The following RUNX1 variants were observed in gnomAD, a reference collection of about 807,000 sequenced individuals.
The protein encoded by RUNX1 is runt-related transcription factor 1.
RUNX1 carries 19 observed loss-of-function variants against 42.8 expected under a neutral mutation model. That is an observed-to-expected ratio of 0.44 (90% CI 0.31 to 0.65). The LOEUF (loss-of-function observed/expected upper bound fraction) is 0.65, where lower values mean the gene tolerates loss of function less well. RUNX1 is among the 30% of genes least tolerant of loss of function. The pLI is 0.07. For missense variants in RUNX1, 528 were observed against 672.0 expected, an observed-to-expected ratio of 0.79 and a Z score of 2.37; for synonymous variants, 271 against 289.4, an observed-to-expected ratio of 0.94 and a Z score of 0.64.
chr21:34,840,594 C>T (rs942318625), intron 6 of RUNX1, among the ~76,000 whole-genome samples: 5 of 132,736 alleles, frequency 3.8e-5, no homozygotes, highest in Admixed American at 8.1e-5. Flanking sequence ...CAAAGTTTTC[C>T]CTTTTGTCTT....
chr21:34,948,935 A>G (rs1601599946), intron 2 of RUNX1, among the ~76,000 whole-genome samples: 2 of 151,912 alleles, frequency 1.3e-5, no homozygotes, highest in South Asian at 4.2e-4. Flanking sequence ...TGTGTATTTT[A>G]AGTAGAGACA....
chr21:34,884,866 A>G (rs1347220533), intron 4 of RUNX1, among the ~76,000 whole-genome samples: 5 of 152,194 alleles, frequency 3.3e-5, no homozygotes, highest in Non-Finnish European at 5.9e-5. Context: ...GATTTTTAGT[A>G]GCCTATAGAT....
chr21:34,789,863 A>T lies in RUNX1; in HGVS notation c.*2272T>A, dbSNP rs1229321478. 2.1e-5 allele frequency: 5 copies of T among 233,132 alleles called. No homozygotes were observed. The highest frequency in any genetic ancestry group is 8.5e-6 in the Non-Finnish European group (1 of 118,050). 14.4% of individuals were successfully genotyped at this position (233,132 alleles called of 1,614,324 possible). A position where few individuals can be genotyped will look rare whatever the true frequency, so the allele number is the denominator to read the frequency against. On this transcript the variant is annotated 3_prime_UTR_variant, in exon 9 of 9. Coordinates refer to ENST00000675419, the MANE Select transcript of RUNX1 (RefSeq NM_001754.5). The stretch of plus-strand genomic sequence containing the variant: ...GAATATCTTCAGTTAACAGAATTAA[A>T]CTGAAAAACATAATTTTTTCCTTCA...
intron 5 of RUNX1, among the ~76,000 whole-genome samples, chr21:34,861,776 T>G (rs1285939432): frequency 6.6e-6 from 1 of 152,196 alleles, no homozygotes; most frequent in East Asian, 1.9e-4. Flanking sequence ...CAACGGGCAG[T>G]CACTCAGTCA....
intron 2 of RUNX1, among the ~76,000 whole-genome samples, chr21:35,003,568 A>T (rs567403065): frequency 6.6e-5 from 10 of 152,270 alleles, no homozygotes; most frequent in Non-Finnish European, 1.3e-4. Flanking sequence ...TATATTAAAT[A>T]GATATTGGGA....
intron 2 of RUNX1, among the ~76,000 whole-genome samples, chr21:34,969,888 C>T (rs1381999711): frequency 6.6e-6 from 1 of 152,086 alleles, no homozygotes; most frequent in African/African-American, 2.4e-5. Context: ...AATTGATCAT[C>T]TTGAGGATTG....
chr21:35,038,266 C>G (rs1488775520), intron 2 of RUNX1, among the ~76,000 whole-genome samples: 2 of 152,112 alleles, frequency 1.3e-5, no homozygotes, highest in Non-Finnish European at 2.9e-5. Flanking sequence ...CTTCCTGCTC[C>G]CCGATCCCAC....
intron 2 of RUNX1, among the ~76,000 whole-genome samples, chr21:35,004,325 G>C (rs1429249178): frequency 6.6e-6 from 1 of 152,220 alleles, no homozygotes; most frequent in Non-Finnish European, 1.5e-5. Context: ...TAGAAAACAA[G>C]AGGCCCAGAA....
At chr21:34,890,731 C>T in intron 3 of RUNX1, among the ~76,000 whole-genome samples, 1 of 129,324 alleles carries the variant, frequency 7.7e-6, no homozygotes, top group African/African-American at 2.9e-5. Context: ...AAATCCCCCC[C>T]TCCCCCCGCC....
intron 2 of RUNX1, among the ~76,000 whole-genome samples, chr21:34,994,177 A>G (rs114647199): frequency 6.7e-6 from 1 of 148,466 alleles, no homozygotes; most frequent in African/African-American, 2.6e-5. Context: ...ACAGTACCAG[A>G]ACATCTAGAC....
chr21:34,823,429 GGTTTTTTTTTTT>G (rs1426845388), intron 7 of RUNX1, among the ~76,000 whole-genome samples: 4 of 99,120 alleles, frequency 4.0e-5, no homozygotes, highest in Admixed American at 2.3e-4. Context: ...ATTCCTGGTG[GGTTTTTTTTTTT>G]TTTTTTTTTT....
At chr21:34,971,486 C>T (rs1940269830) in intron 2 of RUNX1, among the ~76,000 whole-genome samples, 1 of 151,940 alleles carries the variant, frequency 6.6e-6, no homozygotes, top group Admixed American at 6.6e-5. Flanking sequence ...CTTCCAGATA[C>T]ATTTAAAATT....
intron 5 of RUNX1, among the ~76,000 whole-genome samples, chr21:34,867,487 C>G (rs868462471): frequency 2.0e-5 from 3 of 152,114 alleles, no homozygotes; most frequent in African/African-American, 7.2e-5. Flanking sequence ...ACAGCCAGTC[C>G]TTTACAACGT....
chr21:34,892,366 TGA>T (rs2058089729), intron 3 of RUNX1, among the ~76,000 whole-genome samples: 1 of 152,146 alleles, frequency 6.6e-6, no homozygotes, highest in African/African-American at 2.4e-5. Context: ...CTAATTACTA[TGA>T]GAGGGGGGAG....
intron 4 of RUNX1, among the ~76,000 whole-genome samples, chr21:34,885,530 A>G (rs1250884607): frequency 6.6e-6 from 1 of 152,252 alleles, no homozygotes; most frequent in Non-Finnish European, 1.5e-5. Flanking sequence ...GTGAGTGGAA[A>G]AAGAGGCCAA....
intron 2 of RUNX1, among the ~76,000 whole-genome samples, chr21:34,936,752 A>G (rs2058488886): frequency 6.6e-6 from 1 of 152,228 alleles, no homozygotes; most frequent in South Asian, 2.1e-4. Flanking sequence ...GGAGTGGAAA[A>G]GAAAAGACTC....
chr21:35,019,031 T>A (rs888212973), intron 2 of RUNX1, among the ~76,000 whole-genome samples: 1 of 152,348 alleles, frequency 6.6e-6, no homozygotes, highest in Non-Finnish European at 1.5e-5. Flanking sequence ...TTCACCACAC[T>A]TTCAGCTCAA....
intron 2 of RUNX1, among the ~76,000 whole-genome samples, chr21:35,005,421 GC>G (rs927554632): frequency 1.3e-5 from 2 of 151,942 alleles, no homozygotes; most frequent in African/African-American, 2.4e-5. Flanking sequence ...CAGACCAATG[GC>G]CCCACCCCAT....
Position 34,886,927 on chromosome 21 carries a change from C to T in RUNX1, c.267G>A (p.Leu89=), listed in dbSNP as rs2146409992. Residue 89 remains leucine (L), a synonymous_variant, in exon 4 of 9, where the codon CTG becomes CTA. Transcript: ENST00000675419. ...GGAAGTTGGGGCTGTCGGTGCGCAC[C>T]AGCTCGCCCGGGTGGTCGGCCAGCA... ...VEVLADHPGE[L]VRTDSPNFLC... The T allele has an allele frequency of 6.2e-7, 1 of 1,613,316 alleles. No homozygotes were observed. Among genetic ancestry groups the T allele is most frequent in the Non-Finnish European group, 8.5e-7 (1 of 1,179,734 alleles).
Sources: allele counts gnomAD v4.1 joint callset (sites outside exome capture counted in the v4.1 genomes callset), GRCh38; gene constraint gnomAD v4.1.1; transcripts MANE v1.5; gene names NCBI Gene and HGNC (gene_info 2026-07-23, HGNC 2026-07-21).